The following KYNU variants were observed in gnomAD, a reference collection of about 807,000 sequenced individuals.
The protein encoded by KYNU is L-kynurenine hydrolase.
KYNU carries 54 observed loss-of-function variants against 59.2 expected under a neutral mutation model. That is an observed-to-expected ratio of 0.91 (90% CI 0.73 to 1.14). The LOEUF (loss-of-function observed/expected upper bound fraction) is 1.14, where lower values mean the gene tolerates loss of function less well. KYNU is among the 50% of genes most tolerant of loss of function. KYNU has a pLI of 0.00. For missense variants in KYNU, 567 were observed against 554.4 expected (o/e 1.02, Z -0.23); for synonymous variants, 177 against 192.0 (o/e 0.92, Z 0.65).
chr2:143,041,971 A>C (rs989303076), intron 13 of KYNU, 76 bp from the exon 14 acceptor site: 1 of 1,492,160 alleles, frequency 6.7e-7, no homozygotes, highest in Admixed American at 1.7e-5. Flanking sequence ...AGTGCTTTAC[A>C]TAAGTTTATC....
chr2:142,898,943 C>T (rs949012104), intron 2 of KYNU, among the ~76,000 whole-genome samples: 16 of 152,066 alleles, frequency 1.1e-4, no homozygotes, highest in Non-Finnish European at 1.5e-4. Context: ...GCCTTTAGCC[C>T]GATCGGGAGC....
intron 8 of KYNU, among the ~76,000 whole-genome samples, chr2:142,974,837 C>T (rs1388103428): frequency 6.6e-6 from 1 of 152,188 alleles, no homozygotes; most frequent in Non-Finnish European, 1.5e-5. Context: ...CAAGCATCAG[C>T]TTGCTTCTGT....
rs745395140 is a variant in KYNU, at chr2:142,885,425, C to T, written c.58C>T (p.Leu20Phe). 12 of 1,613,950 alleles carry T rather than the reference C, an allele frequency of 7.4e-6. No individual in the cohort carries two copies. Among genetic ancestry groups the T allele is most frequent in the African/African-American group, 5.3e-5 (4 of 74,916 alleles). The stretch of plus-strand genomic sequence containing the variant: ...CACAGTGCAGCGCATTGCGGCTGAA[C>T]TCAAATGCCACCCAACGGATGAGAG... ...ADTVQRIAAE[L>F]KCHPTDERVA... is the part of the protein sequence containing the mutation. The change falls in exon 2 of 14, where the codon CTC (leucine) becomes TTC (phenylalanine). Residue 20 changes from leucine to phenylalanine, a missense_variant. Transcript: ENST00000264170.
At position 143,045,825 on chromosome 2, in the gene KYNU, G is replaced by T. The variant is rs928542402; in HGVS notation, c.*3653G>T. 1 of 151,978 alleles carries T rather than the reference G, an allele frequency of 6.6e-6. No individual in the cohort carries two copies. Among genetic ancestry groups the T allele is most frequent in the African/African-American group, 2.4e-5 (1 of 41,382 alleles). The allele number at this position is 151,978 out of a possible 1,614,324, so 9.4% of individuals were successfully genotyped here. On this transcript the variant is annotated 3_prime_UTR_variant, in exon 14 of 14. Transcript: ENST00000264170. ...AGGAATTGTTTTTCAACTTCATAGT[G>T]GTAAACAAAACATATGTGTTTTCAG...
chr2:142,994,088 T>C (rs1188674498), intron 10 of KYNU, among the ~76,000 whole-genome samples: 1 of 151,974 alleles, frequency 6.6e-6, no homozygotes, highest in African/African-American at 2.4e-5. Context: ...GGGACTTTAT[T>C]TTTTTTTCTT....
intron 2 of KYNU, among the ~76,000 whole-genome samples, chr2:142,906,346 G>A (rs1682296665): frequency 6.6e-6 from 1 of 152,192 alleles, no homozygotes; most frequent in African/African-American, 2.4e-5. Context: ...TTGCATTGTG[G>A]GGTGGTGGGT....
chr2:142,940,191 CA>C (rs952382748), intron 4 of KYNU, among the ~76,000 whole-genome samples: 7 of 152,210 alleles, frequency 4.6e-5, no homozygotes, highest in Middle Eastern at 6.8e-3. Flanking sequence ...AATATGTAAA[CA>C]AAAAAACTGG....
intron 10 of KYNU, among the ~76,000 whole-genome samples, chr2:143,022,021 A>T (rs1052294658): frequency 1.3e-5 from 2 of 152,134 alleles, no homozygotes; most frequent in African/African-American, 4.8e-5. Context: ...ACCATACTAA[A>T]GTATCTGAAT....
intron 3 of KYNU, among the ~76,000 whole-genome samples, chr2:142,923,179 A>G (rs114845617): frequency 0.01 from 1,542 of 152,336 alleles, 21 homozygotes; most frequent in African/African-American, 0.036. Flanking sequence ...AGATGATAGT[A>G]GAACCAAATG....
chr2:142,976,182 G>C (rs1013576667), intron 8 of KYNU, among the ~76,000 whole-genome samples: 1 of 152,286 alleles, frequency 6.6e-6, no homozygotes, highest in Non-Finnish European at 1.5e-5. Context: ...GCTGGAGGGG[G>C]CCACATGCTG....
chr2:142,993,416 T>C (rs1685457435), intron 10 of KYNU, among the ~76,000 whole-genome samples: 1 of 152,002 alleles, frequency 6.6e-6, no homozygotes, highest in Non-Finnish European at 1.5e-5. Flanking sequence ...AGCTCTCCCT[T>C]CGCTCTGGGA....
chr2:142,988,886 T>C, intron 10 of KYNU: 1 of 1,608,524 alleles, frequency 6.2e-7, no homozygotes, highest in Non-Finnish European at 8.5e-7. Context: ...GCAACAGATT[T>C]GGACAAGTCA....
In KYNU at chr2:142,912,371, CTTTTTTTTTTTT is replaced by C. The variant is rs60854220; in HGVS notation, c.170-6224_170-6213del. Among the ~76,000 whole-genome samples the C allele has an allele frequency of 2.8e-4, 25 of 89,514 alleles. 1 individual carries two copies. The highest frequency in any genetic ancestry group is 7.4e-4 in the South Asian group (2 of 2,716). 58.7% of individuals were successfully genotyped at this position (89,514 alleles called of 152,430 possible). A position where few individuals can be genotyped will look rare whatever the true frequency, so the allele number is the denominator to read the frequency against. On this transcript the variant is annotated intron_variant, in intron 2 of 13. Coordinates refer to ENST00000264170, the MANE Select transcript of KYNU (RefSeq NM_003937.3). ...GAGTCTCTAAGGATCTTTTGTATTT[CTTTTTTTTTTTT>C]TTTTTTTTTTTTTGAGATGGAGTTT... is the stretch of plus-strand genomic sequence containing the variant.
chr2:142,961,673 A>G (rs1310398235), intron 8 of KYNU, among the ~76,000 whole-genome samples: 1 of 152,116 alleles, frequency 6.6e-6, no homozygotes, highest in Non-Finnish European at 1.5e-5. Flanking sequence ...ACCCACTACT[A>G]AATCACAGTT....
At chr2:142,989,292 T>A in intron 10 of KYNU, 1 of 766,998 alleles carries the variant, frequency 1.3e-6, no homozygotes, top group South Asian at 4.3e-5. Context: ...ATTAGCTGGT[T>A]TAACTATGTT....
At chr2:142,909,676 C>T (rs1682416102) in intron 2 of KYNU, among the ~76,000 whole-genome samples, 1 of 152,082 alleles carries the variant, frequency 6.6e-6, no homozygotes, top group Non-Finnish European at 1.5e-5. Context: ...TGTATTTGTA[C>T]CACATGTTCT....
intron 8 of KYNU, 122 bp from the exon 9 acceptor site, chr2:142,984,962 C>A: frequency 2.8e-6 from 2 of 717,524 alleles, no homozygotes; most frequent in South Asian, 1.5e-5. Context: ...TGAACCATTG[C>A]ATCAAAGAGC....
chr2:142,899,361 C>G (rs1681993392), intron 2 of KYNU, among the ~76,000 whole-genome samples: 1 of 152,146 alleles, frequency 6.6e-6, no homozygotes, highest in Non-Finnish European at 1.5e-5. Context: ...AGTGAGCCCT[C>G]TTTACTACCC....
rs747104364 is a variant in KYNU, at chr2:142,985,097, G to A, written c.743G>A (p.Gly248Asp). 1 of 1,606,178 alleles carries A rather than the reference G, an allele frequency of 6.2e-7. No individual in the cohort carries two copies. Among genetic ancestry groups the A allele is most frequent in the East Asian group, 2.2e-5 (1 of 44,776 alleles). ...KAGQAKGCYV[G>D]FDLAHAVGNV... ...GTTCTTCCCTAGGGTTGTTATGTTG[G>A]CTTTGATCTAGCACATGCAGTTGGA... Residue 248 changes from glycine (G) to aspartate (D), a missense_variant, in exon 9 of 14, where the codon GGC becomes GAC. Transcript: ENST00000264170.
Sources: allele counts gnomAD v4.1 joint callset (sites outside exome capture counted in the v4.1 genomes callset), GRCh38; gene constraint gnomAD v4.1.1; transcripts MANE v1.5; gene names NCBI Gene and HGNC (gene_info 2026-07-23, HGNC 2026-07-21).